NR4A2: variants seen among roughly 807,000 people sequenced by gnomAD.
The protein encoded by NR4A2 is nuclear receptor subfamily 4 group A member 2.
Under a neutral mutation model 50.5 loss-of-function variants are expected in NR4A2, and 1 was observed. The ratio of observed to expected loss-of-function variants is 0.02; its 90% CI spans 0.01 to 0.09. The LOEUF (loss-of-function observed/expected upper bound fraction) is 0.09, where lower values mean the gene tolerates loss of function less well. Ranked by LOEUF, NR4A2 falls within the 10% of genes least tolerant of loss-of-function variation. The pLI is 1.00. For missense variants in NR4A2, 613 were observed against 777.3 expected, an observed-to-expected ratio of 0.79 and a Z score of 2.51; for synonymous variants, 328 against 309.4, an observed-to-expected ratio of 1.06 and a Z score of -0.63.
chr2:156,329,590 G>T lies in NR4A2; in HGVS notation c.597C>A (p.His199Gln), dbSNP rs547522893. The change falls in exon 3 of 8, where the codon CAC (histidine) becomes CAA (glutamine). Residue 199 changes from histidine to glutamine, a missense_variant. By Grantham distance (24) the His-to-Gln change is conservative. This residue lies in a region of NR4A2 where 275 missense variants were observed against 248.9 expected (regional missense o/e 1.10). Coordinates refer to ENST00000339562, the MANE Select transcript of NR4A2 (RefSeq NM_006186.4). The surrounding 1 kb of genome is among the most constrained non-coding windows in gnomAD (Gnocchi z 7.5). Reference sequence around the variant, plus strand: ...CGGCGGGCTCCGGGTTCATGGGGACGTGCAGGGGCCCGTCGAAGCGCATCT... The same window carrying T: ...CGGCGGGCTCCGGGTTCATGGGGACTTGCAGGGGCCCGTCGAAGCGCATCT... ...SCQMRFDGPL[H>Q]VPMNPEPAGS... 11 of 1,607,456 alleles carry T rather than the reference G, an allele frequency of 6.8e-6. No individual in the cohort carries two copies. The Admixed American group carries it at 1.8e-4, about 27-fold the overall frequency.
Position 156,329,501 on chromosome 2 carries a change from G to C in NR4A2, c.686C>G (p.Ser229Cys). 1 of 1,605,560 alleles carries C rather than the reference G, an allele frequency of 6.2e-7. No homozygotes were observed. Among genetic ancestry groups the C allele is most frequent in the Non-Finnish European group, 8.5e-7 (1 of 1,176,546 alleles). The change falls in exon 3 of 8, where the codon TCC (serine) becomes TGC (cysteine). Residue 229 changes from serine to cysteine, a missense_variant. By Grantham distance (112) the Ser-to-Cys change is moderately radical. Coordinates refer to ENST00000339562, the MANE Select transcript of NR4A2 (RefSeq NM_006186.4). The surrounding 1 kb of genome is among the most constrained non-coding windows in gnomAD (Gnocchi z 7.5). The stretch of plus-strand genomic sequence containing the variant: ...GATCTGCAGGCCCGGGAAGCCCATG[G>C]ACGCGGGCTTGCGAATGGGGTTGGG... The part of the protein sequence containing the change: ...AVPNPIRKPA[S>C]MGFPGLQIGH...
chr2:156,328,634 C>T lies in NR4A2; in HGVS notation c.865-101G>A. ...TATGTGACTGGGGTCTACGATTCCT[C>T]CCCACAAACAAACACATACACACAA... is the stretch of plus-strand genomic sequence containing the variant. On this transcript the variant is annotated intron_variant, in intron 3 of 7. Transcript: ENST00000339562. The surrounding 1 kb of genome is among the most constrained non-coding windows in gnomAD (Gnocchi z 4.9). 2 of 1,414,542 alleles carry T rather than the reference C, an allele frequency of 1.4e-6. No homozygotes were observed. Among genetic ancestry groups the T allele is most frequent in the South Asian group, 1.2e-5 (1 of 85,946 alleles). 87.6% of individuals were successfully genotyped at this position (1,414,542 alleles called of 1,614,324 possible). A position where few individuals can be genotyped will look rare whatever the true frequency, so the allele number is the denominator to read the frequency against.
In NR4A2 at chr2:156,325,472, A is replaced by G; in HGVS notation, c.*272T>C. 1 of 475,886 alleles carries G rather than the reference A, an allele frequency of 2.1e-6. No individual in the cohort carries two copies. 29.5% of individuals were successfully genotyped at this position (475,886 alleles called of 1,614,324 possible). A position where few individuals can be genotyped will look rare whatever the true frequency, so the allele number is the denominator to read the frequency against. On this transcript the variant is annotated 3_prime_UTR_variant, in exon 8 of 8. Transcript: ENST00000339562. The stretch of plus-strand genomic sequence containing the variant: ...TTTTTAAACTGAGAATAAAAAGTTT[A>G]TACCACTGTATTGTGTGTAGTCCAT...
chr2:156,326,558 G>A lies in NR4A2; in HGVS notation c.1361+160C>T, dbSNP rs1327477007. On this transcript the variant is annotated intron_variant, in intron 6 of 7. Transcript: ENST00000339562. The surrounding 1 kb of genome is among the most constrained non-coding windows in gnomAD (Gnocchi z 4.2). ...AAGGCTTCTGGGCTCGCTTCTTCTC[G>A]TCTTTTTTTGTTTTCTTTCTTTTTC... Among the ~76,000 whole-genome samples the A allele has an allele frequency of 6.6e-6, 1 of 152,004 alleles. No individual in the cohort carries two copies. The highest frequency in any genetic ancestry group is 2.4e-5 in the African/African-American group (1 of 41,378).
At position 156,329,866 on chromosome 2, in the gene NR4A2, G is replaced by T. The variant is rs773777485; in HGVS notation, c.321C>A (p.Pro107=). The T allele has an allele frequency of 1.9e-6, 3 of 1,614,040 alleles. No individual in the cohort carries two copies. In the Admixed American group the frequency reaches 5.0e-5, roughly 27 times the overall value. Reference sequence around the variant, plus strand: ...GCGGCATCATCTCCTCAGACTGGGGGGGCAGGTGGCTGTGTTGCTGGTAGT... The same window carrying T: ...GCGGCATCATCTCCTCAGACTGGGGTGGCAGGTGGCTGTGTTGCTGGTAGT... ...MHNYQQHSHL[P]PQSEEMMPHS... is the part of the protein sequence containing the mutation. Residue 107 remains proline, a synonymous_variant, in exon 3 of 8, where the codon CCC becomes CCA. Coordinates refer to ENST00000339562, the MANE Select transcript of NR4A2 (RefSeq NM_006186.4). The surrounding 1 kb of genome is among the most constrained non-coding windows in gnomAD (Gnocchi z 7.5).
At chr2:156,330,247 G>T in intron 2 of NR4A2, 59 bp from the exon 3 acceptor site, 1 of 1,595,780 alleles carries the variant, frequency 6.3e-7, no homozygotes, top group Non-Finnish European at 8.5e-7. Context: ...CTTTCTCCCG[G>T]GCTCGGGTAC....
rs1686552909 is a variant in NR4A2 at position 156,324,456 on chromosome 2, G to T, written c.*1288C>A. 2 of 152,058 alleles carry T rather than the reference G, an allele frequency of 1.3e-5. No individual in the cohort carries two copies. The highest frequency in any genetic ancestry group is 1.5e-5 in the Non-Finnish European group (1 of 67,972). 9.4% of individuals were successfully genotyped at this position (152,058 alleles called of 1,614,324 possible). ...ATTCTGTTCATTTACATGGTTTATT[G>T]TTGTAAACATTAAAATTGTCTTTCT... On this transcript the variant is annotated 3_prime_UTR_variant, in exon 8 of 8. Coordinates refer to ENST00000339562, the MANE Select transcript of NR4A2 (RefSeq NM_006186.4).
Position 156,327,910 on chromosome 2 carries a change from C to A in NR4A2, c.1099G>T (p.Ala367Ser). The change falls in exon 5 of 8, where the codon GCC (alanine) becomes TCC (serine). Residue 367 changes from alanine (A) to serine (S), a missense_variant. By Grantham distance (99) the Ala-to-Ser change is moderately conservative. Coordinates refer to ENST00000339562, the MANE Select transcript of NR4A2 (RefSeq NM_006186.4). Reference sequence around the variant, plus strand: ...GAGTCGACATGGGCCCTGACGAGGGCACTGATCAGACTCACCGGGGGCGAA... The same window carrying A: ...GAGTCGACATGGGCCCTGACGAGGGAACTGATCAGACTCACCGGGGGCGAA... Reference protein sequence around the residue: ...PPSPPVSLISALVRAHVDSNP... With the variant: ...PPSPPVSLISSLVRAHVDSNP... The A allele has an allele frequency of 6.3e-7, 1 of 1,596,468 alleles. No individual in the cohort carries two copies. Among genetic ancestry groups the A allele is most frequent in the Non-Finnish European group, 8.5e-7 (1 of 1,170,866 alleles).
rs764926329 is a variant in NR4A2 at position 156,325,661 on chromosome 2, G to T, written c.*83C>A. 4 of 1,548,970 alleles carry T rather than the reference G, an allele frequency of 2.6e-6. No homozygotes were observed. The highest frequency in any genetic ancestry group is 2.7e-5 in the African/African-American group (2 of 73,578). The stretch of plus-strand genomic sequence containing the variant: ...CAGCTTGAGCTGAGACTGCTCACAC[G>T]GCTATCTCTGCCCATGTGACTTGCC... On this transcript the variant is annotated 3_prime_UTR_variant, in exon 8 of 8. Coordinates refer to ENST00000339562, the MANE Select transcript of NR4A2 (RefSeq NM_006186.4).
Position 156,326,443 on chromosome 2 carries a change from G to T in NR4A2, c.1362-115C>A. ...TTAAGAGTCACCTAATTACTGAAGA[G>T]TTAATAAAATGTAGACCAGTGGACC... On this transcript the variant is annotated intron_variant, in intron 6 of 7. Transcript: ENST00000339562. This position sits in a 1 kb window ranked among gnomAD's most constrained non-coding sequence, Gnocchi z 4.2. 9.5e-7 allele frequency: 1 copy of T among 1,057,436 alleles called. No homozygotes were observed. Among genetic ancestry groups the T allele is most frequent in the Non-Finnish European group, 1.5e-6 (1 of 689,644 alleles). The allele number at this position is 1,057,436 out of a possible 1,614,324, so 65.5% of individuals were successfully genotyped here.
In NR4A2 at chr2:156,328,692, C is replaced by T. The variant is rs1057728; in HGVS notation, c.865-159G>A. Among the ~76,000 whole-genome samples, 2 of 151,958 alleles carry T rather than the reference C, an allele frequency of 1.3e-5. No individual in the cohort carries two copies. Among genetic ancestry groups the T allele is most frequent in the Non-Finnish European group, 2.9e-5 (2 of 68,008 alleles). ...TTATTTTTTTCTCTTCCTTTTCTTTCTTTCTTTTCTTTTTTCCTCCCCCAG... is the reference window on the plus strand; with the variant it reads ...TTATTTTTTTCTCTTCCTTTTCTTTTTTTCTTTTCTTTTTTCCTCCCCCAG... On this transcript the variant is annotated intron_variant, in intron 3 of 7. Transcript: ENST00000339562. This position sits in a 1 kb window ranked among gnomAD's most constrained non-coding sequence, Gnocchi z 4.9.
In NR4A2 at chr2:156,328,584, C is replaced by A; in HGVS notation, c.865-51G>T. The stretch of plus-strand genomic sequence containing the variant: ...ACATTTTTTTTCTTCTTTTGAAAAT[C>A]AGGCAACTCGGAGAAAATTTCTGTT... On this transcript the variant is annotated intron_variant, in intron 3 of 7. Transcript: ENST00000339562. The surrounding 1 kb of genome is among the most constrained non-coding windows in gnomAD (Gnocchi z 4.9). The A allele has an allele frequency of 6.2e-7, 1 of 1,613,122 alleles. No homozygotes were observed. The highest frequency in any genetic ancestry group is 1.1e-5 in the South Asian group (1 of 90,940).
In NR4A2 at chr2:156,325,214, T is replaced by C. The variant is rs1370851388; in HGVS notation, c.*530A>G. 2 of 155,058 alleles carry C rather than the reference T, an allele frequency of 1.3e-5. No individual in the cohort carries two copies. The highest frequency in any genetic ancestry group is 2.4e-5 in the African/African-American group (1 of 41,462). 9.6% of individuals were successfully genotyped at this position (155,058 alleles called of 1,614,324 possible). A position where few individuals can be genotyped will look rare whatever the true frequency, so the allele number is the denominator to read the frequency against. On this transcript the variant is annotated 3_prime_UTR_variant, in exon 8 of 8. Transcript: ENST00000339562. ...ACAAGCCTTTGCCTTCTTCAACTCA[T>C]GCCACCCACGCAACATTTAGTTTTA...
chr2:156,326,213 A>G lies in NR4A2; in HGVS notation c.1477T>C (p.Leu493=). ...IDSIVEFSSN[L]QNMNIDISAF... Reference sequence around the variant, plus strand: ...GAAATGTCGATGTTCATATTCTGCAAGTTGGAGGAGAATTCAACAATGGAA... The same window carrying G: ...GAAATGTCGATGTTCATATTCTGCAGGTTGGAGGAGAATTCAACAATGGAA... The change falls in exon 7 of 8, where the codon TTG becomes CTG. Residue 493 remains leucine (L), a synonymous_variant. Coordinates refer to ENST00000339562, the MANE Select transcript of NR4A2 (RefSeq NM_006186.4). The surrounding 1 kb of genome is among the most constrained non-coding windows in gnomAD (Gnocchi z 4.2). 1 of 1,614,228 alleles carries G rather than the reference A, an allele frequency of 6.2e-7. No individual in the cohort carries two copies.
Position 156,329,879 on chromosome 2 carries a change from T to C in NR4A2, c.308A>G (p.His103Arg), listed in dbSNP as rs199674295. Residue 103 changes from histidine (H) to arginine (R), a missense_variant, in exon 3 of 8, where the codon CAC (histidine) becomes CGC (arginine). By Grantham distance (29) the His-to-Arg change is conservative (BLOSUM62 0). Around this residue, in one of 4 missense-constraint regions of NR4A2, gnomAD observed 275 missense variants for 248.9 expected, o/e 1.10. Transcript: ENST00000339562. The surrounding 1 kb of genome is among the most constrained non-coding windows in gnomAD (Gnocchi z 7.5). ...CTCAGACTGGGGGGGCAGGTGGCTG[T>C]GTTGCTGGTAGTTGTGCATCTGAAT... ...EDIQMHNYQQ[H>R]SHLPPQSEEM... is the part of the protein sequence containing the mutation. 1.5e-5 allele frequency: 25 copies of C among 1,614,114 alleles called. No individual in the cohort carries two copies. The highest frequency in any genetic ancestry group is 1.8e-5 in the Non-Finnish European group (21 of 1,180,022).
Position 156,329,197 on chromosome 2 carries a change from C to G in NR4A2, c.864+126G>C. The G allele has an allele frequency of 7.2e-7, 1 of 1,389,910 alleles. No individual in the cohort carries two copies. The highest frequency in any genetic ancestry group is 9.9e-7 in the Non-Finnish European group (1 of 1,011,018). 86.1% of individuals were successfully genotyped at this position (1,389,910 alleles called of 1,614,324 possible). A position where few individuals can be genotyped will look rare whatever the true frequency, so the allele number is the denominator to read the frequency against. On this transcript the variant is annotated intron_variant, in intron 3 of 7. Transcript: ENST00000339562. This position sits in a 1 kb window ranked among gnomAD's most constrained non-coding sequence, Gnocchi z 7.5. ...CTCCTGCAGGGCAGCTTCGGCGGACCCCGGAGAGCTGGGCAGTCCCGGGAG... is the reference window on the plus strand; with the variant it reads ...CTCCTGCAGGGCAGCTTCGGCGGACGCCGGAGAGCTGGGCAGTCCCGGGAG...
rs201350514 is a variant in NR4A2 at position 156,329,843 on chromosome 2, G to A, written c.344C>T (p.Pro115Leu). The A allele has an allele frequency of 3.7e-6, 6 of 1,614,170 alleles. No homozygotes were observed. The highest frequency in any genetic ancestry group is 2.2e-5 in the East Asian group (1 of 44,880). The change falls in exon 3 of 8, where the codon CCG becomes CTG. Residue 115 changes from proline to leucine, a missense_variant. This residue lies in a region of NR4A2 where 275 missense variants were observed against 248.9 expected (regional missense o/e 1.10). Coordinates refer to ENST00000339562, the MANE Select transcript of NR4A2 (RefSeq NM_006186.4). The surrounding 1 kb of genome is among the most constrained non-coding windows in gnomAD (Gnocchi z 7.5). ...HLPPQSEEMM[P>L]HSGSVYYKPS... is the part of the protein sequence containing the mutation. ...CTTGTAGTAAACCGACCCGGAGTGC[G>A]GCATCATCTCCTCAGACTGGGGGGG...
rs947365079 is a variant in NR4A2 at position 156,329,260 on chromosome 2, C to T, written c.864+63G>A. ...GCTACTGGCACCAAGGCAGAGGGCA[C>T]ACTCCGAGGTCCCGGGCACTAGGGG... On this transcript the variant is annotated intron_variant, in intron 3 of 7. Transcript: ENST00000339562. This position sits in a 1 kb window ranked among gnomAD's most constrained non-coding sequence, Gnocchi z 7.5. 2.4e-5 allele frequency: 37 copies of T among 1,565,784 alleles called. No individual in the cohort carries two copies. The East Asian group carries it at 4.9e-4, about 21-fold the overall frequency.
rs1470667542 is a variant in NR4A2, at chr2:156,329,712, T to C, written c.475A>G (p.Thr159Ala). 1 of 1,614,044 alleles carries C rather than the reference T, an allele frequency of 6.2e-7. No homozygotes were observed. The highest frequency in any genetic ancestry group is 8.5e-7 in the Non-Finnish European group (1 of 1,179,956). The part of the protein sequence containing the change: ...LHNFHQNYVA[T>A]THMIEQRKTP... ...TTCCTCTGCTCGATCATGTGCGTAG[T>C]GGCCACGTAGTTCTGGTGGAAGTTG... The change falls in exon 3 of 8, where the codon ACT becomes GCT. Residue 159 changes from threonine to alanine, a missense_variant. Around this residue, in one of 4 missense-constraint regions of NR4A2, gnomAD observed 275 missense variants for 248.9 expected, o/e 1.10. Transcript: ENST00000339562. This position sits in a 1 kb window ranked among gnomAD's most constrained non-coding sequence, Gnocchi z 7.5.
Sources: allele counts gnomAD v4.1 joint callset (sites outside exome capture counted in the v4.1 genomes callset), GRCh38; gene constraint gnomAD v4.1.1; regional missense constraint gnomAD v4.1.1; non-coding constraint Gnocchi (gnomAD v3.1); transcripts MANE v1.5; gene names NCBI Gene and HGNC (gene_info 2026-07-23, HGNC 2026-07-21).